CADPS2: variants seen among roughly 807,000 people sequenced by gnomAD.
CADPS2 encodes calcium dependent secretion activator 2.
A neutral mutation model predicts 172.5 loss-of-function variants in CADPS2; 93 were observed. That is an observed-to-expected ratio of 0.54 (90% CI 0.46 to 0.64). The LOEUF (loss-of-function observed/expected upper bound fraction) is 0.64, where lower values mean the gene tolerates loss of function less well. Among genes scored for constraint, CADPS2 ranks in the 30% least tolerant of loss-of-function variants. The pLI, the probability that CADPS2 is intolerant of heterozygous loss-of-function variation, is 0.00. For synonymous variants in CADPS2, 546 were observed against 555.2 expected (o/e 0.98, Z 0.23); for missense variants, 1,420 against 1,565.9 (o/e 0.91, Z 1.57).
At chr7:122,542,120 G>C (rs2063160577) in intron 8 of CADPS2, among the ~76,000 whole-genome samples, 1 of 151,800 alleles carries the variant, frequency 6.6e-6, no homozygotes, top group African/African-American at 2.4e-5. Context: ...AATCCTTACA[G>C]CATCATTTTG....
At chr7:122,522,974 T>C (rs2131079269) in intron 8 of CADPS2, among the ~76,000 whole-genome samples, 1 of 152,320 alleles carries the variant, frequency 6.6e-6, no homozygotes. Flanking sequence ...CATTCATTTG[T>C]TGATAAACAG....
intron 29 of CADPS2, among the ~76,000 whole-genome samples, chr7:122,322,573 A>C (rs184539950): frequency 6.6e-6 from 1 of 152,328 alleles, no homozygotes; most frequent in East Asian, 1.9e-4. Flanking sequence ...GAAGCAGGTG[A>C]TTTATGTTAA....
At chr7:122,652,835 T>C (rs1440305203) in intron 3 of CADPS2, among the ~76,000 whole-genome samples, 1 of 152,214 alleles carries the variant, frequency 6.6e-6, no homozygotes, top group Non-Finnish European at 1.5e-5. Context: ...TTGATAACAA[T>C]AACAATTTGT....
intron 3 of CADPS2, among the ~76,000 whole-genome samples, chr7:122,643,614 A>T (rs2077942366): frequency 6.6e-6 from 1 of 152,142 alleles, no homozygotes; most frequent in Non-Finnish European, 1.5e-5. Flanking sequence ...ATTCCTCAAT[A>T]TGGTTCCCCT....
chr7:122,556,927 A>T (rs2065103141), intron 7 of CADPS2, among the ~76,000 whole-genome samples: 1 of 151,972 alleles, frequency 6.6e-6, no homozygotes, highest in Non-Finnish European at 1.5e-5. Flanking sequence ...TGGTTTCCTG[A>T]TTTAGTTAAT....
chr7:122,352,627 T>C (rs370224462), intron 27 of CADPS2, among the ~76,000 whole-genome samples: 30 of 152,338 alleles, frequency 2.0e-4, no homozygotes, highest in Admixed American at 3.9e-4. Context: ...TCCCTCTCTC[T>C]AGGTGAATAT....
At chr7:122,350,519 T>A (rs2038386756) in intron 27 of CADPS2, among the ~76,000 whole-genome samples, 1 of 152,226 alleles carries the variant, frequency 6.6e-6, no homozygotes, top group Non-Finnish European at 1.5e-5. Context: ...GGTTTTTTCA[T>A]ATATTCATGA....
chr7:122,320,132 A>G lies in CADPS2; in HGVS notation c.*33T>C. ...AAAAAATAAAAAACAATGTCGATCA[A>G]GGTCTTCCTTCCTTCTGCAAAGCTG... On this transcript the variant is annotated 3_prime_UTR_variant, in exon 30 of 30. Transcript: ENST00000449022. 2.0e-6 allele frequency: 3 copies of G among 1,517,756 alleles called. No individual in the cohort carries two copies. The highest frequency in any genetic ancestry group is 2.7e-6 in the Non-Finnish European group (3 of 1,130,012). 94.0% of individuals were successfully genotyped at this position (1,517,756 alleles called of 1,614,324 possible). A position where few individuals can be genotyped will look rare whatever the true frequency, so the allele number is the denominator to read the frequency against.
intron 1 of CADPS2, among the ~76,000 whole-genome samples, chr7:122,801,931 G>C (rs543467517): frequency 6.6e-6 from 1 of 150,838 alleles, no homozygotes; most frequent in Admixed American, 6.6e-5. Flanking sequence ...ATAAGACTCT[G>C]GTAAAGATTC....
chr7:122,592,844 G>A (rs1267739758), intron 6 of CADPS2, among the ~76,000 whole-genome samples: 1 of 150,530 alleles, frequency 6.6e-6, no homozygotes, highest in Non-Finnish European at 1.5e-5. Flanking sequence ...CCAGGGGGAT[G>A]GGGGGAGGGG....
At chr7:122,685,519 T>C (rs2135924250) in intron 2 of CADPS2, among the ~76,000 whole-genome samples, 1 of 152,358 alleles carries the variant, frequency 6.6e-6, no homozygotes, top group African/African-American at 2.4e-5. Flanking sequence ...AGTTTCACTT[T>C]TTCTGCACAG....
chr7:122,849,678 T>G, intron 1 of CADPS2: 2 of 322,080 alleles, frequency 6.2e-6, no homozygotes, highest in South Asian at 5.0e-5. Flanking sequence ...AAAAGAGGCA[T>G]TTGATTGGGT....
At chr7:122,395,872 C>T (rs553114157) in intron 20 of CADPS2, among the ~76,000 whole-genome samples, 15 of 151,518 alleles carry the variant, frequency 9.9e-5, no homozygotes, top group Non-Finnish European at 1.5e-4. Flanking sequence ...TGCAATGGCA[C>T]GATCTTGGCT....
intron 2 of CADPS2, among the ~76,000 whole-genome samples, chr7:122,705,031 G>A (rs1210436539): frequency 6.6e-6 from 1 of 151,958 alleles, no homozygotes; most frequent in Admixed American, 6.6e-5. Flanking sequence ...TCCCAACCCC[G>A]ATGGGTGGTC....
chr7:122,373,079 C>G (rs1011730364), intron 25 of CADPS2, among the ~76,000 whole-genome samples: 2 of 152,114 alleles, frequency 1.3e-5, no homozygotes, highest in East Asian at 3.9e-4. Flanking sequence ...CACAAATGTA[C>G]AGTTACAGTG....
chr7:122,465,413 A>T (rs538822598), intron 14 of CADPS2, among the ~76,000 whole-genome samples: 1 of 152,260 alleles, frequency 6.6e-6, no homozygotes, highest in Admixed American at 6.5e-5. Flanking sequence ...CGGGCTGTGG[A>T]CTGGTACCAA....
chr7:122,472,614 T>C (rs1000433038), intron 13 of CADPS2, among the ~76,000 whole-genome samples: 4 of 152,134 alleles, frequency 2.6e-5, no homozygotes, highest in African/African-American at 9.7e-5. Flanking sequence ...ACACTGGCGG[T>C]CAACAACAAA....
At chr7:122,504,928 G>T (rs1332978818) in intron 9 of CADPS2, among the ~76,000 whole-genome samples, 1 of 152,130 alleles carries the variant, frequency 6.6e-6, no homozygotes, top group Non-Finnish European at 1.5e-5. Context: ...ATGTTTGGTG[G>T]AAGAATACGT....
At chr7:122,485,646 G>A (rs2057733423) in intron 11 of CADPS2, among the ~76,000 whole-genome samples, 1 of 152,154 alleles carries the variant, frequency 6.6e-6, no homozygotes, top group Non-Finnish European at 1.5e-5. Flanking sequence ...ATGCAGAAAT[G>A]GCAATAAGTT....
Sources: gnomAD v4.1 joint callset for allele counts (sites outside exome capture counted in the v4.1 genomes callset) on GRCh38, gnomAD v4.1.1 for gene constraint, MANE v1.5 for transcripts, NCBI Gene and HGNC (gene_info 2026-07-23, HGNC 2026-07-21) for gene names.